The following CABCOCO1 variants were observed in gnomAD, a reference collection of about 807,000 sequenced individuals.
The protein encoded by CABCOCO1 is ciliary associated calcium binding coiled-coil 1, also known as ciliary-associated calcium-binding coiled-coil protein 1.
Under a neutral mutation model 35.7 loss-of-function variants are expected in CABCOCO1, and 28 were observed. That is an observed-to-expected ratio of 0.78 (90% CI 0.58 to 1.07). CABCOCO1 has a LOEUF of 1.07. Among genes scored for constraint, CABCOCO1 ranks in the 50% least tolerant of loss-of-function variants. The probability of loss-of-function intolerance (pLI) is 0.00; values close to 1 mark genes in which losing one functional copy is unlikely to be tolerated. For missense variants in CABCOCO1, 326 were observed against 309.2 expected (o/e 1.05, Z -0.41); for synonymous variants, 95 against 100.1 (o/e 0.95, Z 0.30).
chr10:61,716,918 T>C lies in CABCOCO1; in HGVS notation c.552+26297T>C, dbSNP rs538221580. On this transcript the variant is annotated intron_variant, in intron 5 of 7. Coordinates refer to ENST00000648843, the MANE Select transcript of CABCOCO1 (RefSeq NM_001366906.2). ...GACTTTCTTCTGTATACTAATCATA[T>C]ATATTTAAATACAGATAGGCAAAAA... 3.9e-5 allele frequency among the ~76,000 whole-genome samples: 6 copies of C among 152,198 alleles called. No homozygotes were observed. The East Asian group carries it at 9.6e-4, about 24-fold the overall frequency.
chr10:61,732,521 C>A (rs1432298230), intron 5 of CABCOCO1, among the ~76,000 whole-genome samples: 1 of 151,988 alleles, frequency 6.6e-6, no homozygotes, highest in South Asian at 2.1e-4. Flanking sequence ...CTGATATAGC[C>A]CACTTTAACT....
chr10:61,740,023 A>C (rs939367934), intron 5 of CABCOCO1, among the ~76,000 whole-genome samples: 1 of 152,234 alleles, frequency 6.6e-6, no homozygotes, highest in African/African-American at 2.4e-5. Flanking sequence ...AAGACAAACC[A>C]AAATTTGCAC....
At chr10:61,727,040 C>T (rs1211463341) in intron 5 of CABCOCO1, among the ~76,000 whole-genome samples, 3 of 151,720 alleles carry the variant, frequency 2.0e-5, no homozygotes, top group African/African-American at 4.8e-5. Flanking sequence ...CCAGCCTGGG[C>T]AACACAGTGA....
rs564930968 is a variant in CABCOCO1 at position 61,669,641 on chromosome 10, C to A, written c.61-2991C>A. Among the ~76,000 whole-genome samples, 16 of 152,092 alleles carry A rather than the reference C, an allele frequency of 1.1e-4. No homozygotes were observed. In the South Asian group the frequency reaches 3.3e-3, roughly 32 times the overall value. ...TAAAACAGAAGAAAAAATCCAGAGG[C>A]AAACTCCCCTAAAAGATGATTATAT... On this transcript the variant is annotated intron_variant, in intron 1 of 7. Transcript: ENST00000648843.
At chr10:61,679,281 T>TCATATCTATATCTATATC (rs1839622797) in intron 2 of CABCOCO1, among the ~76,000 whole-genome samples, 1 of 140,932 alleles carries the variant, frequency 7.1e-6, no homozygotes, top group Non-Finnish European at 1.5e-5. Flanking sequence ...TAGAATGAGC[T>TCATATCTATATCTATATC]TATATCTATA....
Position 61,738,328 on chromosome 10 carries a change from G to A in CABCOCO1, c.553-21731G>A, listed in dbSNP as rs939863817. Among the ~76,000 whole-genome samples, 6 of 152,140 alleles carry A rather than the reference G, an allele frequency of 3.9e-5. 1 individual carries two copies. Among genetic ancestry groups the A allele is most frequent in the Non-Finnish European group, 5.9e-5 (4 of 68,024 alleles). ...TAGATCCCATAAGATTTTGTGAAAA[G>A]CAGAGCCACCATACAGCTTGGTACT... is the stretch of plus-strand genomic sequence containing the variant. On this transcript the variant is annotated intron_variant, in intron 5 of 7. Coordinates refer to ENST00000648843, the MANE Select transcript of CABCOCO1 (RefSeq NM_001366906.2).
At chr10:61,718,320 G>A (rs141676928) in intron 5 of CABCOCO1, among the ~76,000 whole-genome samples, 183 of 152,262 alleles carry the variant, frequency 1.2e-3, no homozygotes, top group African/African-American at 4.1e-3. Context: ...TCAGGGTCAG[G>A]AGGCAGATTA....
chr10:61,747,999 A>G (rs1463395501), intron 5 of CABCOCO1, among the ~76,000 whole-genome samples: 2 of 152,166 alleles, frequency 1.3e-5, no homozygotes, highest in Non-Finnish European at 2.9e-5. Context: ...TATCACCACA[A>G]TCAATTCATT....
chr10:61,739,857 G>C (rs544976845), intron 5 of CABCOCO1, among the ~76,000 whole-genome samples: 3 of 152,138 alleles, frequency 2.0e-5, no homozygotes, highest in Admixed American at 1.3e-4. Context: ...CAGGAGAATC[G>C]CTTGAACCCA....
chr10:61,711,663 A>G (rs994006433), intron 5 of CABCOCO1, among the ~76,000 whole-genome samples: 4 of 152,028 alleles, frequency 2.6e-5, no homozygotes, highest in African/African-American at 9.7e-5. Context: ...AACAGAAAAC[A>G]TTCATTTTAA....
At chr10:61,705,084 A>G (rs904941690) in intron 5 of CABCOCO1, among the ~76,000 whole-genome samples, 2 of 152,206 alleles carry the variant, frequency 1.3e-5, no homozygotes, top group Non-Finnish European at 2.9e-5. Flanking sequence ...TTAACAATTG[A>G]GACTAAAGTT....
intron 5 of CABCOCO1, among the ~76,000 whole-genome samples, chr10:61,715,504 CCATTTA>C (rs1840841585): frequency 6.6e-6 from 1 of 152,104 alleles, no homozygotes; most frequent in South Asian, 2.1e-4. Context: ...GGCATTTAGC[CCATTTA>C]CATTTAAGGT....
rs577288826 is a variant in CABCOCO1 at position 61,766,641 on chromosome 10, G to T, written c.*628G>T. ...TACTGTATTTGTTATTTCTAATCTT[G>T]TTACTCTCCCAGGAGAATACATGAC... On this transcript the variant is annotated 3_prime_UTR_variant, in exon 8 of 8. Coordinates refer to ENST00000648843, the MANE Select transcript of CABCOCO1 (RefSeq NM_001366906.2). 3.3e-5 allele frequency: 5 copies of T among 150,886 alleles called. No individual in the cohort carries two copies. Among genetic ancestry groups the T allele is most frequent in the African/African-American group, 1.2e-4 (5 of 41,054 alleles). 9.3% of individuals were successfully genotyped at this position (150,886 alleles called of 1,614,324 possible).
At chr10:61,677,632 T>C (rs1347706185) in intron 2 of CABCOCO1, among the ~76,000 whole-genome samples, 1 of 151,998 alleles carries the variant, frequency 6.6e-6, no homozygotes, top group Non-Finnish European at 1.5e-5. Context: ...GCCATGTTGG[T>C]GTGCTGCACC....
At chr10:61,733,800 T>C (rs1841356421) in intron 5 of CABCOCO1, among the ~76,000 whole-genome samples, 2 of 152,124 alleles carry the variant, frequency 1.3e-5, no homozygotes, top group Admixed American at 6.6e-5. Context: ...CCTCAATTTT[T>C]ACTTAAATAG....
At chr10:61,679,313 A>ATATCTATATCTATATC (rs1554821353) in intron 2 of CABCOCO1, among the ~76,000 whole-genome samples, 2 of 128,460 alleles carry the variant, frequency 1.6e-5, no homozygotes, top group East Asian at 4.2e-4. Flanking sequence ...ATCTATATCT[A>ATATCTATATCTATATC]TATCTATATC....
intron 5 of CABCOCO1, among the ~76,000 whole-genome samples, chr10:61,733,535 C>G (rs1841350734): frequency 6.6e-6 from 1 of 152,024 alleles, no homozygotes; most frequent in Admixed American, 6.6e-5. Context: ...CACTATAGTG[C>G]CCTCCTGTGG....
chr10:61,714,839 T>C (rs1345403685), intron 5 of CABCOCO1, among the ~76,000 whole-genome samples: 1 of 152,236 alleles, frequency 6.6e-6, no homozygotes, highest in Non-Finnish European at 1.5e-5. Flanking sequence ...AGTTTCCTAA[T>C]CCTAAGTTCT....
chr10:61,674,561 T>TG (rs1328410006), intron 2 of CABCOCO1, among the ~76,000 whole-genome samples: 2 of 152,160 alleles, frequency 1.3e-5, no homozygotes, highest in Non-Finnish European at 2.9e-5. Flanking sequence ...TTATTATAAA[T>TG]GGGGGTTATA....
Sources: gnomAD v4.1 joint callset for allele counts (sites outside exome capture counted in the v4.1 genomes callset) on GRCh38, gnomAD v4.1.1 for gene constraint, MANE v1.5 for transcripts, NCBI Gene and HGNC (gene_info 2026-07-23, HGNC 2026-07-21) for gene names.